ARL15: variants seen among roughly 807,000 people sequenced by gnomAD.
The protein encoded by ARL15 is ARF like GTPase 15.
A neutral mutation model predicts 25.2 loss-of-function variants in ARL15; 19 were observed. The observed-to-expected ratio is 0.75, with a 90% confidence interval of 0.53 to 1.10. The LOEUF (loss-of-function observed/expected upper bound fraction) is 1.10. ARL15 is among the 50% of genes least tolerant of loss of function. ARL15 has a pLI of 0.00. For synonymous variants in ARL15, 94 were observed against 86.8 expected (o/e 1.08, Z -0.46); for missense variants, 220 against 246.0 (o/e 0.89, Z 0.71).
chr5:54,258,747 TCTCCCTAAGA>T (rs1757428453), intron 1 of ARL15, among the ~76,000 whole-genome samples: 1 of 151,932 alleles, frequency 6.6e-6, no homozygotes, highest in African/African-American at 2.4e-5. Flanking sequence ...AAAAACAGAT[TCTCCCTAAGA>T]TTCAGTGATC....
At chr5:53,969,106 G>A (rs758024572) in intron 4 of ARL15, among the ~76,000 whole-genome samples, 14 of 152,098 alleles carry the variant, frequency 9.2e-5, no homozygotes, top group Middle Eastern at 3.4e-3. Flanking sequence ...AGCCGAGATC[G>A]CGCCACTACA....
intron 1 of ARL15, among the ~76,000 whole-genome samples, chr5:54,184,461 AAAAAAAAAAG>A (rs1420539675): frequency 2.7e-4 from 39 of 145,394 alleles, no homozygotes; most frequent in Non-Finnish European, 1.2e-4. Context: ...AAAAAAAAAA[AAAAAAAAAAG>A]AGAGAGAGAG....
chr5:54,110,360 A>G (rs1752705113), intron 4 of ARL15, among the ~76,000 whole-genome samples: 1 of 152,076 alleles, frequency 6.6e-6, no homozygotes, highest in Admixed American at 6.5e-5. Flanking sequence ...GTGTTTGTAC[A>G]GTTTCACTCC....
intron 4 of ARL15, among the ~76,000 whole-genome samples, chr5:54,080,755 C>T (rs1438056568): frequency 2.6e-5 from 4 of 152,150 alleles, no homozygotes; most frequent in African/African-American, 9.7e-5. Flanking sequence ...TGCTCTGAAA[C>T]TCCCCCTGTC....
chr5:53,909,037 T>C (rs1452540029), intron 4 of ARL15, among the ~76,000 whole-genome samples: 2 of 152,204 alleles, frequency 1.3e-5, no homozygotes, highest in Non-Finnish European at 2.9e-5. Context: ...TCTAAATTAT[T>C]CGGGAGAGTA....
At chr5:54,175,902 C>G (rs377209413) in intron 1 of ARL15, among the ~76,000 whole-genome samples, 25 of 151,784 alleles carry the variant, frequency 1.6e-4, no homozygotes, top group African/African-American at 5.8e-4. Context: ...TCCACTCACC[C>G]CGGCTGCCCA....
chr5:53,967,841 C>T (rs552538445), intron 4 of ARL15, among the ~76,000 whole-genome samples: 105 of 151,916 alleles, frequency 6.9e-4, no homozygotes, highest in African/African-American at 2.4e-3. Context: ...AGGAGGCCCA[C>T]GATAAGTAAC....
At chr5:54,054,687 A>G (rs1249278087) in intron 4 of ARL15, among the ~76,000 whole-genome samples, 2 of 152,136 alleles carry the variant, frequency 1.3e-5, no homozygotes, top group Non-Finnish European at 2.9e-5. Flanking sequence ...CTACTTGGGA[A>G]GCTGAGGCAG....
At chr5:53,969,520 C>A (rs925247031) in intron 4 of ARL15, among the ~76,000 whole-genome samples, 3 of 152,084 alleles carry the variant, frequency 2.0e-5, no homozygotes, top group Non-Finnish European at 4.4e-5. Context: ...GAGCAAAATG[C>A]AGAGTGAACA....
At chr5:54,173,987 C>T (rs1011315341) in intron 1 of ARL15, among the ~76,000 whole-genome samples, 1 of 152,140 alleles carries the variant, frequency 6.6e-6, no homozygotes, top group Non-Finnish European at 1.5e-5. Context: ...ATCCCATCCT[C>T]AGGGCAGTCT....
At chr5:53,915,356 A>C (rs1416171409) in intron 4 of ARL15, among the ~76,000 whole-genome samples, 2 of 152,190 alleles carry the variant, frequency 1.3e-5, no homozygotes, top group African/African-American at 4.8e-5. Context: ...CCCTCAAAGA[A>C]CCCGTAGGCT....
intron 4 of ARL15, among the ~76,000 whole-genome samples, chr5:53,965,592 T>C (rs1464894791): frequency 6.6e-6 from 1 of 151,934 alleles, no homozygotes; most frequent in African/African-American, 2.4e-5. Flanking sequence ...CCATGGACTG[T>C]GTGTGCATTT....
chr5:54,299,707 A>G (rs1364608467), intron 1 of ARL15, among the ~76,000 whole-genome samples: 1 of 146,296 alleles, frequency 6.8e-6, no homozygotes, highest in Non-Finnish European at 1.5e-5. Flanking sequence ...CTCCTGCCTC[A>G]GCTTCCCAAG....
chr5:54,239,953 C>T (rs944336936), intron 1 of ARL15, among the ~76,000 whole-genome samples: 1 of 152,122 alleles, frequency 6.6e-6, no homozygotes, highest in Admixed American at 6.5e-5. Context: ...ATCGGCCGGG[C>T]GCGGTGGCTC....
intron 1 of ARL15, among the ~76,000 whole-genome samples, chr5:54,196,341 T>C (rs762128239): frequency 6.6e-6 from 1 of 152,002 alleles, no homozygotes; most frequent in Non-Finnish European, 1.5e-5. Flanking sequence ...ACACTCAAAT[T>C]TGAGAGCCAG....
intron 4 of ARL15, among the ~76,000 whole-genome samples, chr5:53,910,613 T>G (rs1238552398): frequency 7.4e-5 from 2 of 26,988 alleles, no homozygotes; most frequent in South Asian, 8.2e-4. Flanking sequence ...CCCTAGAACT[T>G]AAAGTATAAT....
intron 1 of ARL15, among the ~76,000 whole-genome samples, chr5:54,280,366 T>C (rs948344349): frequency 2.0e-5 from 3 of 152,218 alleles, no homozygotes; most frequent in Non-Finnish European, 4.4e-5. Flanking sequence ...AAGTAACCTG[T>C]TCATCTAACC....
At chr5:54,058,093 C>A (rs1390355599) in intron 4 of ARL15, among the ~76,000 whole-genome samples, 1 of 151,858 alleles carries the variant, frequency 6.6e-6, no homozygotes, top group African/African-American at 2.4e-5. Flanking sequence ...GCAACCTCCG[C>A]CTCCGAGGTT....
At chr5:54,188,794 G>T (rs1201429199) in intron 1 of ARL15, among the ~76,000 whole-genome samples, 1 of 152,094 alleles carries the variant, frequency 6.6e-6, no homozygotes, top group Non-Finnish European at 1.5e-5. Context: ...ATAAAAAATT[G>T]ACCTGAAATT....
Sources: allele counts gnomAD v4.1 joint callset (sites outside exome capture counted in the v4.1 genomes callset), GRCh38; gene constraint gnomAD v4.1.1; transcripts MANE v1.5; gene names NCBI Gene and HGNC (gene_info 2026-07-23, HGNC 2026-07-21).